Variants in SCML4 observed in about 807,000 individuals in gnomAD.
SCML4 encodes Scm polycomb group protein like 4.
In SCML4, 34 loss-of-function variants were observed where a neutral mutation model predicts 41.1. The observed-to-expected ratio is 0.83, with a 90% CI of 0.63 to 1.10. The LOEUF (loss-of-function observed/expected upper bound fraction) is 1.10. SCML4 is among the 50% of genes least tolerant of loss of function. The pLI, the probability that SCML4 is intolerant of heterozygous loss-of-function variation, is 0.00. For synonymous variants in SCML4, 214 were observed against 220.9 expected, an observed-to-expected ratio of 0.97 and a Z score of 0.28; for missense variants, 522 against 534.1, an observed-to-expected ratio of 0.98 and a Z score of 0.22.
At chr6:107,837,112 C>T in the SCML4 span, among the ~76,000 whole-genome samples, 2 of 152,210 alleles carry the variant, frequency 1.3e-5, no homozygotes, top group Admixed American at 6.5e-5. Context: ...CCCACCACCA[C>T]CATCTCTCTG....
intron 1 of SCML4, among the ~76,000 whole-genome samples, chr6:107,803,798 AATGG>A (rs751898387): frequency 1.3e-3 from 192 of 151,200 alleles, no homozygotes; most frequent in Non-Finnish European, 2.1e-3. Flanking sequence ...CTCAGGGTTG[AATGG>A]ATTAAGGGTG....
chr6:107,722,917 AT>A (rs1373044607), intron 5 of SCML4, among the ~76,000 whole-genome samples: 1 of 152,216 alleles, frequency 6.6e-6, no homozygotes, highest in Non-Finnish European at 1.5e-5. Context: ...AATAATAAAG[AT>A]TTGAGCAAAA....
intron 2 of SCML4, among the ~76,000 whole-genome samples, chr6:107,764,292 C>T (rs1313447713): frequency 6.6e-6 from 1 of 152,210 alleles, no homozygotes; most frequent in Non-Finnish European, 1.5e-5. Flanking sequence ...GGCCTTGAGG[C>T]CTGCTTTGGT....
intron 4 of SCML4, chr6:107,746,025 T>TAAAA (rs111750524): frequency 6.9e-6 from 1 of 145,054 alleles, no homozygotes; most frequent in Non-Finnish European, 1.5e-5. Flanking sequence ...AATAAATAAA[T>TAAAA]AAAAGAATGG....
chr6:107,738,047 G>A (rs1777241747), intron 5 of SCML4, among the ~76,000 whole-genome samples: 1 of 152,292 alleles, frequency 6.6e-6, no homozygotes, highest in Non-Finnish European at 1.5e-5. Flanking sequence ...ACTGGCTAAA[G>A]CATATTTATA....
chr6:107,831,774 C>G, the SCML4 span, among the ~76,000 whole-genome samples: 2 of 152,112 alleles, frequency 1.3e-5, no homozygotes, highest in Admixed American at 6.6e-5. Context: ...AAAAATTAGT[C>G]CAGGCGAGGT....
At chr6:107,836,355 C>T in the SCML4 span, among the ~76,000 whole-genome samples, 206 of 152,268 alleles carry the variant, frequency 1.4e-3, 2 homozygotes, top group Non-Finnish European at 2.6e-3. Flanking sequence ...AGTCTCTTTA[C>T]TCTCAGAGCT....
chr6:107,811,872 C>T (rs1040197252), intron 1 of SCML4, among the ~76,000 whole-genome samples: 2 of 152,138 alleles, frequency 1.3e-5, no homozygotes, highest in Non-Finnish European at 2.9e-5. Flanking sequence ...ATGGACCAGT[C>T]GTGGCGTCTA....
intron 1 of SCML4, among the ~76,000 whole-genome samples, chr6:107,823,349 G>A (rs1243529874): frequency 6.6e-6 from 1 of 152,168 alleles, no homozygotes; most frequent in African/African-American, 2.4e-5. Context: ...CTCATCCACC[G>A]CTCCTGTCCA....
chr6:107,771,352 G>A (rs1278438077), intron 2 of SCML4, among the ~76,000 whole-genome samples: 8 of 152,202 alleles, frequency 5.3e-5, no homozygotes, highest in Admixed American at 1.3e-4. Flanking sequence ...TTTATTTCAC[G>A]AAAAATAGAT....
chr6:107,705,139 A>G lies in SCML4; in HGVS notation c.*61T>C. The G allele has an allele frequency of 1.4e-6, 2 of 1,444,658 alleles. No homozygotes were observed. Among genetic ancestry groups the G allele is most frequent in the Non-Finnish European group, 1.9e-6 (2 of 1,049,742 alleles). The allele number at this position is 1,444,658 out of a possible 1,614,324, so 89.5% of individuals were successfully genotyped here. On this transcript the variant is annotated 3_prime_UTR_variant, in exon 8 of 8. Transcript: ENST00000369020. ...TTTGTGATGTTGGCGGGATATTGGT[A>G]AGGCAGAAGATAATCTTGGGATCTG...
chr6:107,843,417 C>T, the SCML4 span, among the ~76,000 whole-genome samples: 2 of 152,158 alleles, frequency 1.3e-5, no homozygotes, highest in Non-Finnish European at 2.9e-5. Flanking sequence ...AAAAACAAAT[C>T]TAGAATTGGC....
chr6:107,841,250 A>G, the SCML4 span, among the ~76,000 whole-genome samples: 1 of 152,166 alleles, frequency 6.6e-6, no homozygotes, highest in African/African-American at 2.4e-5. Flanking sequence ...GCTTGAGGCC[A>G]GGAGTTCAAG....
chr6:107,752,843 T>C (rs538375765), intron 2 of SCML4, among the ~76,000 whole-genome samples: 58 of 152,178 alleles, frequency 3.8e-4, no homozygotes, highest in Non-Finnish European at 6.5e-4. Context: ...TATAGTATGT[T>C]AGAAGGTGAT....
chr6:107,834,366 T>A, the SCML4 span, among the ~76,000 whole-genome samples: 1 of 152,116 alleles, frequency 6.6e-6, no homozygotes, highest in Non-Finnish European at 1.5e-5. Flanking sequence ...GAAAACAGAA[T>A]TCAGAGAAAG....
At chr6:107,787,619 G>A (rs573258670) in intron 1 of SCML4, among the ~76,000 whole-genome samples, 1 of 152,216 alleles carries the variant, frequency 6.6e-6, no homozygotes, top group Non-Finnish European at 1.5e-5. Context: ...ATGATTTTTT[G>A]TAATATAAAC....
the SCML4 span, among the ~76,000 whole-genome samples, chr6:107,835,619 T>C: frequency 6.6e-6 from 1 of 151,538 alleles, no homozygotes; most frequent in Non-Finnish European, 1.5e-5. Context: ...CATGCACCTG[T>C]AGTTTCAGCT....
chr6:107,755,123 A>G lies in SCML4; in HGVS notation c.157-5310T>C, dbSNP rs377406094. Among the ~76,000 whole-genome samples the G allele has an allele frequency of 3.9e-5, 6 of 152,088 alleles. No homozygotes were observed. The East Asian group carries it at 5.8e-4, about 15-fold the overall frequency. On this transcript the variant is annotated intron_variant, in intron 2 of 7. Coordinates refer to ENST00000369020, the MANE Select transcript of SCML4 (RefSeq NM_198081.5). ...TGTCTCAAAAAAAAAAAAAATTACT[A>G]GAGAGGAATCTGTTCACTGAACCCA...
intron 1 of SCML4, among the ~76,000 whole-genome samples, chr6:107,788,585 T>C (rs1782079372): frequency 6.6e-6 from 1 of 152,226 alleles, no homozygotes; most frequent in South Asian, 2.1e-4. Context: ...ATTCCTCATC[T>C]TTTTCTACAG....
Sources: gnomAD v4.1 joint callset for allele counts (sites outside exome capture counted in the v4.1 genomes callset) on GRCh38, gnomAD v4.1.1 for gene constraint, MANE v1.5 for transcripts, NCBI Gene and HGNC (gene_info 2026-07-23, HGNC 2026-07-21) for gene names.